GSE1: variants seen among roughly 807,000 people sequenced by gnomAD.
GSE1 encodes Gse1 coiled-coil protein.
Under a neutral mutation model 112.6 loss-of-function variants are expected in GSE1, and 32 were observed. The ratio of observed to expected loss-of-function variants is 0.28; its 90% CI spans 0.21 to 0.38. The LOEUF is 0.38. Ranked by LOEUF, GSE1 falls within the 10% of genes least tolerant of loss-of-function variation. The pLI is 1.00. For missense variants in GSE1, 2,348 were observed against 1,699.2 expected (o/e 1.38, Z -6.71); for synonymous variants, 1,115 against 735.6 (o/e 1.52, Z -8.35).
upstream of GSE1, chr16:85,554,773 C>A: frequency 4.2e-6 from 2 of 472,568 alleles, no homozygotes; most frequent in Non-Finnish European, 4.7e-6. Flanking sequence ...AGCTGTCAGT[C>A]GTGGGGGGGG....
At chr16:85,240,794 G>C (rs1905108245) in intron 1 of GSE1, among the ~76,000 whole-genome samples, 1 of 152,234 alleles carries the variant, frequency 6.6e-6, no homozygotes, top group African/African-American at 2.4e-5. Context: ...TGGCTGAATT[G>C]TATTCAGAGG....
At chr16:85,433,546 C>G (rs1040499202) in intron 2 of GSE1, among the ~76,000 whole-genome samples, 1 of 151,986 alleles carries the variant, frequency 6.6e-6, no homozygotes, top group African/African-American at 2.4e-5. Context: ...GTATCTCTGA[C>G]CAGATGAAGG....
intron 1 of GSE1, among the ~76,000 whole-genome samples, chr16:85,216,530 A>G (rs2075309312): frequency 6.6e-6 from 1 of 152,218 alleles, no homozygotes; most frequent in Non-Finnish European, 1.5e-5. Flanking sequence ...GAAATAGAAA[A>G]ACTTTAGCTT....
chr16:85,196,223 G>C (rs1293431355), intron 1 of GSE1, among the ~76,000 whole-genome samples: 2 of 152,228 alleles, frequency 1.3e-5, no homozygotes, highest in Non-Finnish European at 2.9e-5. Context: ...GTCTCGACCT[G>C]AGTGAGGCCC....
chr16:85,441,059 T>A (rs1197934282), intron 2 of GSE1, among the ~76,000 whole-genome samples: 2 of 152,206 alleles, frequency 1.3e-5, no homozygotes, highest in Non-Finnish European at 2.9e-5. Context: ...GGGTGGCAGC[T>A]GATCCCAGTG....
At position 85,656,500 on chromosome 16, in the gene GSE1, C is replaced by T. The variant is rs1231898483; in HGVS notation, c.1147C>T (p.Arg383Cys). ...GCGTGAGCGTGAGAAGGAGCGCGAG[C>T]GCGAGCTGGAGCGCCAGCGGGAGCA... is the stretch of plus-strand genomic sequence containing the variant. ...KEREREKERE[R>C]ELERQREQRA... is the part of the protein sequence containing the mutation. Residue 383 changes from arginine to cysteine, a missense_variant, in exon 7 of 16, where the codon CGC becomes TGC. By Grantham distance (180) the Arg-to-Cys change is radical (BLOSUM62 -3). Transcript: ENST00000253458. The T allele has an allele frequency of 7.1e-6, 11 of 1,546,942 alleles. No individual in the cohort carries two copies. Among genetic ancestry groups the T allele is most frequent in the East Asian group, 2.4e-5 (1 of 40,908 alleles).
Position 85,662,701 on chromosome 16 carries a change from T to G in GSE1, c.2261-280T>G. The stretch of plus-strand genomic sequence containing the variant: ...AGCCCCAGGCCTGTGTGATGAATGG[T>G]TCCCTGCCAGGGGGAGGAGGGAGGT... On this transcript the variant is annotated intron_variant, in intron 9 of 15. Transcript: ENST00000253458. The G allele has an allele frequency of 1.1e-5, 5 of 449,158 alleles. No homozygotes were observed. In the South Asian group the frequency reaches 1.5e-4, roughly 13 times the overall value. 27.8% of individuals were successfully genotyped at this position (449,158 alleles called of 1,614,324 possible).
At chr16:85,343,340 C>A (rs1003583962) in intron 1 of GSE1, among the ~76,000 whole-genome samples, 1 of 152,118 alleles carries the variant, frequency 6.6e-6, no homozygotes, top group African/African-American at 2.4e-5. Context: ...GTTATCAATT[C>A]CTGCTTGTGG....
intron 1 of GSE1, among the ~76,000 whole-genome samples, chr16:85,604,555 T>G (rs2047600061): frequency 6.6e-6 from 1 of 150,498 alleles, no homozygotes; most frequent in Non-Finnish European, 1.5e-5. Flanking sequence ...TGAATAATAT[T>G]CCATTGTACA....
intron 2 of GSE1, among the ~76,000 whole-genome samples, chr16:85,401,173 G>A (rs980451311): frequency 6.6e-6 from 1 of 152,198 alleles, no homozygotes; most frequent in South Asian, 2.1e-4. Context: ...GCCCCCGCCC[G>A]GCAGGAGAGG....
chr16:85,221,855 G>A (rs1197778089), intron 1 of GSE1, among the ~76,000 whole-genome samples: 1 of 152,156 alleles, frequency 6.6e-6, no homozygotes, highest in Non-Finnish European at 1.5e-5. Context: ...CGTCAGTCCC[G>A]CTTGGAGCCC....
chr16:85,561,470 G>A (rs889302136), intron 1 of GSE1, among the ~76,000 whole-genome samples: 3 of 152,088 alleles, frequency 2.0e-5, no homozygotes, highest in African/African-American at 7.2e-5. Flanking sequence ...TGACTCCTCA[G>A]CCATCAGCTG....
At chr16:85,444,670 A>T (rs145205928) in intron 2 of GSE1, among the ~76,000 whole-genome samples, 1,551 of 152,162 alleles carry the variant, frequency 0.01, 14 homozygotes, top group Non-Finnish European at 0.016. Flanking sequence ...ATGCATGTGC[A>T]CACATGCACA....
chr16:85,307,652 C>G (rs2045717636), intron 1 of GSE1, among the ~76,000 whole-genome samples: 1 of 152,184 alleles, frequency 6.6e-6, no homozygotes, highest in Admixed American at 6.5e-5. Context: ...GCCTCGGTGT[C>G]CAGAGTCTTT....
At chr16:85,640,465 C>T (rs916560115) in intron 2 of GSE1, among the ~76,000 whole-genome samples, 3 of 152,244 alleles carry the variant, frequency 2.0e-5, no homozygotes, top group Non-Finnish European at 2.9e-5. Context: ...CCGCCTTCCC[C>T]TGGTGGTGTC....
At chr16:85,254,176 G>A (rs146109754) in intron 1 of GSE1, among the ~76,000 whole-genome samples, 3 of 152,214 alleles carry the variant, frequency 2.0e-5, no homozygotes, top group African/African-American at 7.2e-5. Context: ...TTCTACCCTG[G>A]TGTACTCTGG....
chr16:85,451,326 T>G (rs1470092376), intron 2 of GSE1, among the ~76,000 whole-genome samples: 2 of 152,222 alleles, frequency 1.3e-5, no homozygotes, highest in Non-Finnish European at 1.5e-5. Flanking sequence ...TTTGCTAGGA[T>G]GTCATGTAGG....
intron 1 of GSE1, among the ~76,000 whole-genome samples, chr16:85,226,460 G>A (rs1301122483): frequency 2.6e-5 from 4 of 152,224 alleles, no homozygotes; most frequent in Non-Finnish European, 4.4e-5. Flanking sequence ...GGATGCAGAG[G>A]TGGGGCCTGA....
chr16:85,442,523 A>G (rs1315596080), intron 2 of GSE1, among the ~76,000 whole-genome samples: 2 of 152,212 alleles, frequency 1.3e-5, no homozygotes, highest in African/African-American at 2.4e-5. Flanking sequence ...TGTGTTGGGA[A>G]GCACAGGAGG....
Sources: allele counts gnomAD v4.1 joint callset (sites outside exome capture counted in the v4.1 genomes callset), GRCh38; gene constraint gnomAD v4.1.1; transcripts MANE v1.5; gene names NCBI Gene and HGNC (gene_info 2026-07-23, HGNC 2026-07-21).